The following GCNT2 variants were observed in gnomAD, a reference collection of about 807,000 sequenced individuals.
GCNT2 encodes glucosaminyl (N-acetyl) transferase 2 (I blood group), also known as N-acetyllactosaminide beta-1,6-N-acetylglucosaminyl-transferase.
In GCNT2, 34 loss-of-function variants were observed where a neutral mutation model predicts 34.2. That is an observed-to-expected ratio of 1.00 (90% CI 0.76 to 1.32). The LOEUF is 1.32. GCNT2 is among the 40% of genes most tolerant of loss of function. GCNT2 has a pLI of 0.00. For synonymous variants in GCNT2, 212 were observed against 188.0 expected (o/e 1.13, Z -1.04); for missense variants, 584 against 489.4 (o/e 1.19, Z -1.82).
chr6:10,563,739 C>A (rs1203775476), intron 3 of GCNT2, among the ~76,000 whole-genome samples: 3 of 99,740 alleles, frequency 3.0e-5, no homozygotes, highest in Admixed American at 1.5e-4. Flanking sequence ...GAGACTCCAT[C>A]TCAAAAAAAG....
rs143258015 is a variant in GCNT2, at chr6:10,532,453, T to C, written c.925+2617T>C. On this transcript the variant is annotated intron_variant, in intron 3 of 4. Transcript: ENST00000495262. ...CTGCCAACTCTTTTTTTTCTTTTTT[T>C]GGATCTCACTCTGTCATCCAGGCTG... Among the ~76,000 whole-genome samples the C allele has an allele frequency of 5.6e-3, 850 of 152,310 alleles. 6 individuals carry two copies. Among genetic ancestry groups the C allele is most frequent in the Non-Finnish European group, 9.3e-3 (630 of 68,032 alleles).
chr6:10,555,462 G>T (rs963449234), intron 3 of GCNT2, among the ~76,000 whole-genome samples: 2 of 152,046 alleles, frequency 1.3e-5, no homozygotes, highest in Non-Finnish European at 2.9e-5. Context: ...TCTCTGGGGG[G>T]GTTAAAGCCT....
At chr6:10,592,659 C>T (rs1764699056) in intron 3 of GCNT2, among the ~76,000 whole-genome samples, 2 of 152,216 alleles carry the variant, frequency 1.3e-5, no homozygotes, top group African/African-American at 4.8e-5. Context: ...TGTACCCTAA[C>T]ATTTCTGTTC....
chr6:10,548,073 C>G (rs1185168157), intron 3 of GCNT2, among the ~76,000 whole-genome samples: 2 of 152,038 alleles, frequency 1.3e-5, no homozygotes. Context: ...AAGAAGGAAG[C>G]CCTGGTTCTA....
Position 10,528,749 on chromosome 6 carries a change from G to GA in GCNT2, c.-158dup. Reference sequence around the variant, plus strand: ...GGTAAGTGAAGAGGGGAAGAAGAAAGAAAAAGGACCAGAACCGTGAACTGA... The same window carrying GA: ...GGTAAGTGAAGAGGGGAAGAAGAAAGAAAAAAGGACCAGAACCGTGAACTGA... On this transcript the variant is annotated 5_prime_UTR_variant, in exon 3 of 5. Coordinates refer to ENST00000495262, the MANE Select transcript of GCNT2 (RefSeq NM_145649.5). 1.5e-6 allele frequency: 1 copy of GA among 662,810 alleles called. No homozygotes were observed. Among genetic ancestry groups the GA allele is most frequent in the Non-Finnish European group, 2.7e-6 (1 of 373,438 alleles). 41.1% of individuals were successfully genotyped at this position (662,810 alleles called of 1,614,324 possible).
At chr6:10,600,484 C>G (rs1765046729) in intron 3 of GCNT2, among the ~76,000 whole-genome samples, 1 of 152,178 alleles carries the variant, frequency 6.6e-6, no homozygotes, top group Non-Finnish European at 1.5e-5. Flanking sequence ...CACGCATCCA[C>G]TACCGCCATC....
intron 3 of GCNT2, among the ~76,000 whole-genome samples, chr6:10,535,721 A>G (rs369095271): frequency 6.6e-6 from 1 of 152,236 alleles, no homozygotes; most frequent in African/African-American, 2.4e-5. Flanking sequence ...ACATTAAAAT[A>G]GGAATGAATG....
intron 3 of GCNT2, among the ~76,000 whole-genome samples, chr6:10,617,806 G>C (rs1236158596): frequency 7.2e-6 from 1 of 139,484 alleles, no homozygotes; most frequent in African/African-American, 2.9e-5. Context: ...CCAGGCTGGA[G>C]TGCAGTGCTG....
rs1374846308 is a variant in GCNT2 at position 10,627,041 on chromosome 6, A to G, written c.*434A>G. 1.2e-5 allele frequency: 2 copies of G among 169,958 alleles called. No homozygotes were observed. Among genetic ancestry groups the G allele is most frequent in the African/African-American group, 4.8e-5 (2 of 41,788 alleles). 10.5% of individuals were successfully genotyped at this position (169,958 alleles called of 1,614,324 possible). A position where few individuals can be genotyped will look rare whatever the true frequency, so the allele number is the denominator to read the frequency against. On this transcript the variant is annotated 3_prime_UTR_variant, in exon 5 of 5. Transcript: ENST00000495262. ...ACCTTAACAGTCACCACTGTGCTCA[A>G]CCAGACAGATAGTGAAACAGCTTTC...
At chr6:10,589,758 A>T (rs1764551881) in intron 3 of GCNT2, among the ~76,000 whole-genome samples, 1 of 152,202 alleles carries the variant, frequency 6.6e-6, no homozygotes, top group Non-Finnish European at 1.5e-5. Context: ...AGGTAATAAA[A>T]CTGATTAAAC....
At chr6:10,587,581 A>G (rs1316280967) in intron 3 of GCNT2, among the ~76,000 whole-genome samples, 1 of 152,206 alleles carries the variant, frequency 6.6e-6, no homozygotes, top group Admixed American at 6.5e-5. Flanking sequence ...TTTTTAAGTC[A>G]TAGGTTTTTA....
chr6:10,606,632 C>CCATTAAAGAAATTTAATGGAAATTTA, intron 3 of GCNT2, among the ~76,000 whole-genome samples: 6 of 128,224 alleles, frequency 4.7e-5, no homozygotes, highest in South Asian at 2.5e-4. Context: ...ATGGAAATTT[C>CCATTAAAGAAATTTAATGGAAATTTA]CATTAAAGAA....
intron 3 of GCNT2, among the ~76,000 whole-genome samples, chr6:10,538,112 AAATT>A (rs1761856422): frequency 2.0e-5 from 3 of 151,944 alleles, no homozygotes; most frequent in Non-Finnish European, 2.9e-5. Flanking sequence ...AAGGTAAAAA[AAATT>A]ATAAGTTGAG....
intron 3 of GCNT2, chr6:10,619,125 G>A (rs1473121710): frequency 6.6e-6 from 1 of 151,960 alleles, no homozygotes; most frequent in African/African-American, 2.4e-5. Context: ...CAAAATATTG[G>A]TCTTGTCCAA....
chr6:10,582,408 TATA>T (rs1476432191), intron 3 of GCNT2, among the ~76,000 whole-genome samples: 49 of 124,236 alleles, frequency 3.9e-4, no homozygotes, highest in South Asian at 1.1e-3. Context: ...TAATAAATAG[TATA>T]ATATTTATTA....
intron 3 of GCNT2, among the ~76,000 whole-genome samples, chr6:10,538,996 G>T (rs1343378979): frequency 6.6e-6 from 1 of 152,078 alleles, no homozygotes; most frequent in Non-Finnish European, 1.5e-5. Context: ...GGCCCAGCTG[G>T]AGTATAGTCA....
chr6:10,600,866 T>C (rs1374328008), intron 3 of GCNT2, among the ~76,000 whole-genome samples: 1 of 152,062 alleles, frequency 6.6e-6, no homozygotes, highest in Non-Finnish European at 1.5e-5. Context: ...TCTTGGCTTA[T>C]TGCAGCCTCC....
At chr6:10,535,388 TC>T (rs777622524) in intron 3 of GCNT2, among the ~76,000 whole-genome samples, 2 of 152,296 alleles carry the variant, frequency 1.3e-5, no homozygotes, top group South Asian at 4.1e-4. Context: ...CCTCCCTTTT[TC>T]CTCTCCCCAC....
intron 3 of GCNT2, among the ~76,000 whole-genome samples, chr6:10,569,235 C>CACACACACACACACACACACACACACA (rs1554131675): frequency 2.1e-5 from 1 of 47,464 alleles, no homozygotes; most frequent in African/African-American, 5.6e-5. Flanking sequence ...ACTCCCCCCG[C>CACACACACACACACACACACACACACA]CACACACACA....
Sources: allele counts gnomAD v4.1 joint callset (sites outside exome capture counted in the v4.1 genomes callset), GRCh38; gene constraint gnomAD v4.1.1; transcripts MANE v1.5; gene names NCBI Gene and HGNC (gene_info 2026-07-23, HGNC 2026-07-21).